The following METTL8 variants were observed in gnomAD, a reference collection of about 807,000 sequenced individuals.
The protein encoded by METTL8 is tRNA N(3)-cytidine methyltransferase METTL8, mitochondrial.
Under a neutral mutation model 48.7 loss-of-function variants are expected in METTL8, and 32 were observed. The ratio of observed to expected loss-of-function variants is 0.66; its 90% CI spans 0.50 to 0.88. The LOEUF (loss-of-function observed/expected upper bound fraction) is 0.88. Among genes scored for constraint, METTL8 ranks in the 40% least tolerant of loss-of-function variants. The probability of loss-of-function intolerance (pLI) is 0.00; values close to 1 mark genes in which losing one functional copy is unlikely to be tolerated. For synonymous variants in METTL8, 136 were observed against 157.1 expected, an observed-to-expected ratio of 0.87 and a Z score of 1.01; for missense variants, 464 against 474.4, an observed-to-expected ratio of 0.98 and a Z score of 0.20.
intron 3 of METTL8, among the ~76,000 whole-genome samples, chr2:171,343,464 T>C (rs1427717719): frequency 6.7e-6 from 1 of 149,144 alleles, no homozygotes; most frequent in Non-Finnish European, 1.5e-5. Context: ...TAAATAAATA[T>C]AAAAAATAAA....
At chr2:171,330,720 A>C in intron 6 of METTL8, 22 bp from the exon 7 acceptor site, 3 of 1,585,256 alleles carry the variant, frequency 1.9e-6, no homozygotes, top group Non-Finnish European at 2.6e-6. Context: ...AAGGAACAGA[A>C]AGCAAAAAGA....
At chr2:171,374,956 G>C (rs539353008) in intron 2 of METTL8, 2 of 1,271,388 alleles carry the variant, frequency 1.6e-6, no homozygotes, top group African/African-American at 1.5e-5. Context: ...TGGGGGACGT[G>C]GGGCAGCACC....
intron 2 of METTL8, among the ~76,000 whole-genome samples, chr2:171,372,467 C>T (rs1160557164): frequency 1.3e-5 from 2 of 151,742 alleles, no homozygotes; most frequent in Non-Finnish European, 2.9e-5. Flanking sequence ...AACACAGGTA[C>T]AATAATTTCT....
chr2:171,425,238 C>T (rs753631725), intron 1 of METTL8, among the ~76,000 whole-genome samples: 7 of 152,122 alleles, frequency 4.6e-5, no homozygotes, highest in Non-Finnish European at 5.9e-5. Context: ...AGTGTGAGAA[C>T]GGACTAATAC....
intron 3 of METTL8, among the ~76,000 whole-genome samples, chr2:171,357,527 A>T (rs1223652788): frequency 6.6e-6 from 1 of 152,214 alleles, no homozygotes; most frequent in South Asian, 2.1e-4. Context: ...AAAAGAAATT[A>T]AAAAGGACAT....
intron 1 of METTL8, among the ~76,000 whole-genome samples, chr2:171,433,404 T>C (rs1289953024): frequency 2.6e-5 from 4 of 152,214 alleles, no homozygotes; most frequent in East Asian, 1.9e-4. Context: ...CTGGCTTTCT[T>C]TGAGCACCTA....
intron 2 of METTL8, among the ~76,000 whole-genome samples, chr2:171,391,377 C>A (rs990782206): frequency 2.0e-5 from 3 of 152,194 alleles, no homozygotes; most frequent in Admixed American, 2.0e-4. Context: ...TGGTCTCAAC[C>A]AAACCTACAA....
At position 171,339,550 on chromosome 2, in the gene METTL8, C is replaced by G; in HGVS notation, c.240G>C (p.Lys80Asn). The G allele has an allele frequency of 6.8e-7, 1 of 1,475,808 alleles. No individual in the cohort carries two copies. The highest frequency in any genetic ancestry group is 9.2e-7 in the Non-Finnish European group (1 of 1,081,414). The allele number at this position is 1,475,808 out of a possible 1,614,324, so 91.4% of individuals were successfully genotyped here. Residue 80 changes from lysine (K) to asparagine (N), a missense_variant, in exon 4 of 10, where the codon AAG becomes AAC. By Grantham distance (94) the Lys-to-Asn change is moderately conservative. Transcript: ENST00000375258. Reference sequence around the variant, plus strand: ...AGTATTTACTAGCTTCTCTCTCATACTTAACTAAAATAAAGAGGAAAAAGA... The same window carrying G: ...AGTATTTACTAGCTTCTCTCTCATAGTTAACTAAAATAAAGAGGAAAAAGA... ...AVRVLLEEQV[K>N]YEREASKYWD...
intron 3 of METTL8, among the ~76,000 whole-genome samples, chr2:171,352,540 A>C (rs1158030067): frequency 6.6e-6 from 1 of 152,174 alleles, no homozygotes; most frequent in Non-Finnish European, 1.5e-5. Context: ...TTCAGAAGGA[A>C]TGGTACCAGC....
At chr2:171,368,704 T>A (rs895524012) in intron 2 of METTL8, among the ~76,000 whole-genome samples, 1 of 152,128 alleles carries the variant, frequency 6.6e-6, no homozygotes, top group African/African-American at 2.4e-5. Context: ...AGGTAAAGGA[T>A]CTATCCAAAG....
chr2:171,340,273 C>T (rs1330647111), intron 3 of METTL8, among the ~76,000 whole-genome samples: 3 of 149,116 alleles, frequency 2.0e-5, no homozygotes. Context: ...GAGGATGAGG[C>T]AGATGGACAC....
In METTL8 at chr2:171,317,435, T is replaced by C. The variant is rs1426882610; in HGVS notation, c.*6737A>G. ...GCAATCAAAGGCTCATTTTATTTGA[T>C]AGGTAACATCTGATACAGAAGCATT... On this transcript the variant is annotated 3_prime_UTR_variant, in exon 10 of 10. Transcript: ENST00000375258. 1.3e-5 allele frequency: 2 copies of C among 152,358 alleles called. No individual in the cohort carries two copies. The highest frequency in any genetic ancestry group is 2.1e-4 in the South Asian group (1 of 4,820). 9.4% of individuals were successfully genotyped at this position (152,358 alleles called of 1,614,324 possible).
chr2:171,357,143 G>A (rs554727980), intron 3 of METTL8, among the ~76,000 whole-genome samples: 16 of 151,800 alleles, frequency 1.1e-4, no homozygotes, highest in African/African-American at 3.9e-4. Context: ...ATTTTTAGTA[G>A]AGATAGGGTT....
intron 3 of METTL8, among the ~76,000 whole-genome samples, chr2:171,341,010 T>C (rs1029962392): frequency 1.3e-5 from 2 of 152,172 alleles, no homozygotes; most frequent in East Asian, 1.9e-4. Context: ...CTTCGCTTTC[T>C]GCCTCTTCCT....
Position 171,324,077 on chromosome 2 carries a change from T to TC in METTL8, c.*94dup. ...AAACGGCAGGAAATACAAATTCTCT[T>TC]CTTTTTTTCTCATTGTCTTTTGAGA... On this transcript the variant is annotated 3_prime_UTR_variant, in exon 10 of 10. Transcript: ENST00000375258. The TC allele has an allele frequency of 9.9e-7, 1 of 1,011,320 alleles. No individual in the cohort carries two copies. Among genetic ancestry groups the TC allele is most frequent in the Non-Finnish European group, 1.4e-6 (1 of 707,410 alleles). The allele number at this position is 1,011,320 out of a possible 1,614,324, so 62.6% of individuals were successfully genotyped here.
At chr2:171,410,600 C>T (rs571287207) in intron 1 of METTL8, among the ~76,000 whole-genome samples, 5 of 152,306 alleles carry the variant, frequency 3.3e-5, no homozygotes, top group African/African-American at 1.2e-4. Flanking sequence ...ACTATTTATT[C>T]CAATAATAGC....
At position 171,324,169 on chromosome 2, in the gene METTL8, A is replaced by G. The variant is rs1472596828; in HGVS notation, c.*3T>C. On this transcript the variant is annotated 3_prime_UTR_variant, in exon 10 of 10. Transcript: ENST00000375258. ...GGCTTTGTACCTTAACATGTTACAAAGTTCAGTCTTGTGAAAGGAGTGTAG... is the reference window on the plus strand; with the variant it reads ...GGCTTTGTACCTTAACATGTTACAAGGTTCAGTCTTGTGAAAGGAGTGTAG... 6.5e-7 allele frequency: 1 copy of G among 1,542,702 alleles called. No individual in the cohort carries two copies. The highest frequency in any genetic ancestry group is 1.2e-5 in the South Asian group (1 of 83,370).
chr2:171,396,306 A>G (rs907651366), intron 1 of METTL8, among the ~76,000 whole-genome samples: 3 of 151,322 alleles, frequency 2.0e-5, no homozygotes, highest in Non-Finnish European at 3.0e-5. Context: ...AATAAATCCC[A>G]AAGTATTAAA....
chr2:171,408,616 C>A (rs898181015), intron 1 of METTL8, among the ~76,000 whole-genome samples: 2 of 151,986 alleles, frequency 1.3e-5, no homozygotes, highest in African/African-American at 4.8e-5. Flanking sequence ...TCTTACTGCT[C>A]CTTAATAGCA....
Sources: allele counts gnomAD v4.1 joint callset (sites outside exome capture counted in the v4.1 genomes callset), GRCh38; gene constraint gnomAD v4.1.1; transcripts MANE v1.5; gene names NCBI Gene and HGNC (gene_info 2026-07-23, HGNC 2026-07-21).